Variants in GALNT14 observed in about 807,000 individuals in gnomAD.
GALNT14 encodes the protein polypeptide N-acetylgalactosaminyltransferase 14, also known as UDP-GalNAc:polypeptide N-acetylgalactosaminyltransferase 14.
A neutral mutation model predicts 77.5 loss-of-function variants in GALNT14; 60 were observed. That is an observed-to-expected ratio of 0.77 (90% CI 0.63 to 0.96). The LOEUF is 0.96. Ranked by LOEUF, GALNT14 falls within the 40% of genes least tolerant of loss-of-function variation. The pLI, the probability that GALNT14 is intolerant of heterozygous loss-of-function variation, is 0.00. For synonymous variants in GALNT14, 280 were observed against 281.7 expected, an observed-to-expected ratio of 0.99 and a Z score of 0.06; for missense variants, 710 against 731.0, an observed-to-expected ratio of 0.97 and a Z score of 0.33.
At chr2:30,919,987 G>A (rs559572285) in intron 13 of GALNT14, among the ~76,000 whole-genome samples, 3 of 152,218 alleles carry the variant, frequency 2.0e-5, no homozygotes, top group East Asian at 3.9e-4. Flanking sequence ...ATTGTCCTTT[G>A]AAACTGGCCA....
chr2:31,133,122 A>C (rs1414598431), intron 1 of GALNT14, among the ~76,000 whole-genome samples: 1 of 151,874 alleles, frequency 6.6e-6, no homozygotes, highest in African/African-American at 2.4e-5. Flanking sequence ...TTAAAAAAAA[A>C]CCCAGTCTCT....
At chr2:30,992,739 G>T in intron 2 of GALNT14, 99 bp downstream of exon 2, 1 of 1,377,108 alleles carries the variant, frequency 7.3e-7, no homozygotes, top group Non-Finnish European at 1.0e-6. Context: ...GTCCAGCCCG[G>T]TTCTTAGCAC....
intron 2 of GALNT14, among the ~76,000 whole-genome samples, chr2:30,989,603 T>TAA: frequency 7.1e-6 from 1 of 140,024 alleles, no homozygotes; most frequent in Non-Finnish European, 1.5e-5. Flanking sequence ...TATTAGTAGA[T>TAA]ATATAAAAAT....
At position 30,949,489 on chromosome 2, in the gene GALNT14, C is replaced by T. The variant is rs149890780; in HGVS notation, c.655-3619G>A. On this transcript the variant is annotated intron_variant, in intron 6 of 14. Coordinates refer to ENST00000349752, the MANE Select transcript of GALNT14 (RefSeq NM_024572.4). Reference sequence around the variant, plus strand: ...AGGCTCAAGCAGGCAGCTGGTGGAACCCTTGCAGATCCTGGACCACACTCC... The same window carrying T: ...AGGCTCAAGCAGGCAGCTGGTGGAATCCTTGCAGATCCTGGACCACACTCC... 3.4e-3 allele frequency among the ~76,000 whole-genome samples: 518 copies of T among 152,236 alleles called. 4 individuals carry two copies. Among genetic ancestry groups the T allele is most frequent in the African/African-American group, 0.012 (504 of 41,532 alleles).
intron 1 of GALNT14, among the ~76,000 whole-genome samples, chr2:31,035,603 ACACACACACACACCT>A (rs1672683555): frequency 2.1e-5 from 1 of 46,698 alleles, no homozygotes; most frequent in African/African-American, 1.1e-4. Flanking sequence ...ATACATATAC[ACACACACACACACCT>A]ACACACACAC....
intron 1 of GALNT14, among the ~76,000 whole-genome samples, chr2:31,030,171 T>A (rs6716034): frequency 0.032 from 4,875 of 152,248 alleles, 267 homozygotes; most frequent in African/African-American, 0.11. Flanking sequence ...AGAGGAAAAC[T>A]GTGGGGCCTC....
chr2:31,095,886 C>A (rs770818440), intron 1 of GALNT14, among the ~76,000 whole-genome samples: 1 of 152,084 alleles, frequency 6.6e-6, no homozygotes, highest in African/African-American at 2.4e-5. Flanking sequence ...TAGCTTAAAG[C>A]AAGACATATT....
intron 1 of GALNT14, among the ~76,000 whole-genome samples, chr2:31,045,548 C>T (rs1673391123): frequency 1.3e-5 from 2 of 152,128 alleles, no homozygotes; most frequent in African/African-American, 4.8e-5. Flanking sequence ...CTGCAACCTC[C>T]GCCTCCCGGG....
intron 6 of GALNT14, among the ~76,000 whole-genome samples, chr2:30,951,835 C>T (rs774930156): frequency 2.0e-5 from 3 of 152,158 alleles, no homozygotes; most frequent in Non-Finnish European, 4.4e-5. Context: ...CACCTAGCAG[C>T]CCCCAATATC....
At chr2:31,014,147 T>C (rs1671202874) in intron 1 of GALNT14, among the ~76,000 whole-genome samples, 1 of 152,160 alleles carries the variant, frequency 6.6e-6, no homozygotes, top group South Asian at 2.1e-4. Flanking sequence ...TTTCACAGGG[T>C]TTTAAGAATT....
chr2:31,130,732 C>CTGTGTG (rs1331045279), intron 1 of GALNT14, among the ~76,000 whole-genome samples: 2 of 107,590 alleles, frequency 1.9e-5, no homozygotes, highest in Admixed American at 1.9e-4. Flanking sequence ...CCCAGGGTAC[C>CTGTGTG]TCTGTGTGTG....
intron 1 of GALNT14, chr2:31,129,645 T>A (rs1036361500): frequency 4.1e-6 from 4 of 985,366 alleles, no homozygotes; most frequent in South Asian, 4.7e-5. Flanking sequence ...GAATCTGGCA[T>A]CTATTATGCC....
intron 1 of GALNT14, among the ~76,000 whole-genome samples, chr2:31,080,174 C>A (rs1370107471): frequency 6.6e-6 from 1 of 152,150 alleles, no homozygotes; most frequent in Non-Finnish European, 1.5e-5. Context: ...GTGGGTCTGG[C>A]CACCTGAAAA....
intron 9 of GALNT14, among the ~76,000 whole-genome samples, chr2:30,938,236 C>T (rs548231226): frequency 4.6e-5 from 7 of 152,024 alleles, no homozygotes; most frequent in South Asian, 4.2e-4. Flanking sequence ...CATATTCACC[C>T]TTCATATATG....
downstream of GALNT14, among the ~76,000 whole-genome samples, chr2:30,907,863 T>G (rs1465046107): frequency 7.2e-6 from 1 of 139,208 alleles, no homozygotes. Context: ...TTATCCACCA[T>G]GATCAAGTGG....
chr2:30,889,394 C>T, the GALNT14 span, among the ~76,000 whole-genome samples: 3 of 152,200 alleles, frequency 2.0e-5, no homozygotes, highest in Admixed American at 2.0e-4. Context: ...AGACTGTTCA[C>T]AAGCTTGACT....
At chr2:30,907,743 C>T (rs1409355133), downstream of GALNT14, among the ~76,000 whole-genome samples, 1 of 149,052 alleles carries the variant, frequency 6.7e-6, no homozygotes, top group Non-Finnish European at 1.5e-5. Flanking sequence ...CAAAGCCAGG[C>T]AGAGACACAA....
chr2:30,992,467 C>T (rs1669764876), intron 2 of GALNT14, among the ~76,000 whole-genome samples: 2 of 152,178 alleles, frequency 1.3e-5, no homozygotes. Context: ...CCTGCCTTCC[C>T]CTACTTTGGA....
At position 30,954,967 on chromosome 2, in the gene GALNT14, G is replaced by A. The variant is rs142134174; in HGVS notation, c.654+651C>T. On this transcript the variant is annotated intron_variant, in intron 6 of 14. Coordinates refer to ENST00000349752, the MANE Select transcript of GALNT14 (RefSeq NM_024572.4). ...AGTCATTGAATTGATACTGCCATCT[G>A]CAATTGCCACACATTCTGTAGATCA... 2.5e-3 allele frequency among the ~76,000 whole-genome samples: 385 copies of A among 152,330 alleles called. 1 individual carries two copies. The highest frequency in any genetic ancestry group is 3.8e-3 in the Non-Finnish European group (261 of 68,036).
Sources: allele counts gnomAD v4.1 joint callset (sites outside exome capture counted in the v4.1 genomes callset), GRCh38; gene constraint gnomAD v4.1.1; transcripts MANE v1.5; gene names NCBI Gene and HGNC (gene_info 2026-07-23, HGNC 2026-07-21).